Variants in BICD2 observed in about 807,000 individuals in gnomAD.
BICD2 encodes protein bicaudal D homolog 2.
A neutral mutation model predicts 72.9 loss-of-function variants in BICD2; 25 were observed. The observed-to-expected ratio is 0.34, with a 90% CI of 0.25 to 0.48. The LOEUF is 0.48. BICD2 is among the 20% of genes least tolerant of loss of function. The pLI is 0.99. For synonymous variants in BICD2, 501 were observed against 516.1 expected, an observed-to-expected ratio of 0.97 and a Z score of 0.40; for missense variants, 894 against 1,175.2, an observed-to-expected ratio of 0.76 and a Z score of 3.50.
rs1853401223 is a variant in BICD2 at position 92,719,195 on chromosome 9, T to C, written c.1450A>G (p.Lys484Glu). 1 of 1,610,618 alleles carries C rather than the reference T, an allele frequency of 6.2e-7. No individual in the cohort carries two copies. Among genetic ancestry groups the C allele is most frequent in the African/African-American group, 1.3e-5 (1 of 74,904 alleles). ...CTGGCCTTCTCTAGCAGGGAGACCT[T>C]CTCCGTGAGTGCCTGGCCCTCAGCC... ...YEAEGQALTE[K>E]VSLLEKASRQ... The change falls in exon 5 of 7, where the codon AAG (lysine) becomes GAG (glutamate). Residue 484 changes from lysine to glutamate, a missense_variant. By Grantham distance (56) the Lys-to-Glu change is moderately conservative (BLOSUM62 1). Around this residue, in one of 5 missense-constraint regions of BICD2, gnomAD observed 371 missense variants for 439.1 expected, o/e 0.84. Coordinates refer to ENST00000356884, the MANE Select transcript of BICD2 (RefSeq NM_001003800.2).
intron 1 of BICD2, among the ~76,000 whole-genome samples, chr9:92,752,110 C>CA (rs1854162952): frequency 6.6e-6 from 1 of 152,126 alleles, no homozygotes; most frequent in Non-Finnish European, 1.5e-5. Context: ...CAGCCACTAA[C>CA]TAACTGCATG....
intron 1 of BICD2, among the ~76,000 whole-genome samples, chr9:92,761,652 G>C (rs530314311): frequency 1.3e-5 from 2 of 152,204 alleles, no homozygotes; most frequent in African/African-American, 4.8e-5. Flanking sequence ...CAGCACACCT[G>C]TCCTCTTAAA....
intron 1 of BICD2, among the ~76,000 whole-genome samples, chr9:92,746,216 G>C (rs1429265293): frequency 6.6e-6 from 1 of 152,196 alleles, no homozygotes; most frequent in Admixed American, 6.5e-5. Flanking sequence ...AGAGGGGCTT[G>C]CTGCAGGCAC....
At chr9:92,754,234 C>T (rs985416591) in intron 1 of BICD2, among the ~76,000 whole-genome samples, 21 of 151,708 alleles carry the variant, frequency 1.4e-4, no homozygotes, top group South Asian at 4.2e-4. Flanking sequence ...TGTGATGTCA[C>T]GGCTGGCAAC....
At chr9:92,735,587 T>C (rs1306454567) in intron 1 of BICD2, among the ~76,000 whole-genome samples, 3 of 151,404 alleles carry the variant, frequency 2.0e-5, no homozygotes, top group Non-Finnish European at 4.4e-5. Flanking sequence ...GAAGGGCAGC[T>C]GCAACCAGAC....
chr9:92,735,056 C>A (rs973608950), intron 1 of BICD2, among the ~76,000 whole-genome samples: 1 of 152,238 alleles, frequency 6.6e-6, no homozygotes, highest in Non-Finnish European at 1.5e-5. Flanking sequence ...GTGCTTGACA[C>A]AAGCTCCCGG....
rs1240899133 is a variant in BICD2 at position 92,715,474 on chromosome 9, C to T, written c.2259-11G>A. ...ATGTACTCGTCACACCTGTGGGTAC[C>T]AAAAACATGACTGAGGGGCGGGCAG... On this transcript the variant is annotated splice_polypyrimidine_tract_variant and intron_variant, in intron 6 of 6. Transcript: ENST00000356884. 1 of 1,567,188 alleles carries T rather than the reference C, an allele frequency of 6.4e-7. No homozygotes were observed. Among genetic ancestry groups the T allele is most frequent in the East Asian group, 2.3e-5 (1 of 44,076 alleles).
rs751158467 is a variant in BICD2 at position 92,715,282 on chromosome 9, C to T, written c.2440G>A (p.Ala814Thr). The T allele has an allele frequency of 4.3e-6, 7 of 1,612,576 alleles. No individual in the cohort carries two copies. Among genetic ancestry groups the T allele is most frequent in the Admixed American group, 3.3e-5 (2 of 59,978 alleles). Residue 814 changes from alanine (A) to threonine (T), a missense_variant, in exon 7 of 7, where the codon GCC becomes ACC. Around this residue, in one of 5 missense-constraint regions of BICD2, gnomAD observed 321 missense variants for 443.9 expected, o/e 0.72. Transcript: ENST00000356884. ...GGTGTGGCTGGCTTGGTCTTCGGGG[C>T]GGCTTTGGCACGGCCACGCCGGGTC... The part of the protein sequence containing the change: ...EQTRRGRAKA[A>T]PKTKPATPSV...
intron 3 of BICD2, 108 bp downstream of exon 3, chr9:92,722,548 G>A (rs1318298229): frequency 6.8e-7 from 1 of 1,466,620 alleles, no homozygotes; most frequent in African/African-American, 1.4e-5. Context: ...CCTCGGGTGT[G>A]TGGAATAAGA....
Position 92,714,794 on chromosome 9 carries a change from T to C in BICD2, c.*360A>G. ...AGTCTCAACTCAGGTTCTGCCCCTT[T>C]TGGGTGCTGAGGGAGCAGGACCAGG... On this transcript the variant is annotated 3_prime_UTR_variant, in exon 7 of 7. Coordinates refer to ENST00000356884, the MANE Select transcript of BICD2 (RefSeq NM_001003800.2). 1 of 1,041,154 alleles carries C rather than the reference T, an allele frequency of 9.6e-7. No homozygotes were observed. Among genetic ancestry groups the C allele is most frequent in the Non-Finnish European group, 1.2e-6 (1 of 866,616 alleles). The allele number at this position is 1,041,154 out of a possible 1,614,324, so 64.5% of individuals were successfully genotyped here. A position where few individuals can be genotyped will look rare whatever the true frequency, so the allele number is the denominator to read the frequency against.
intron 2 of BICD2, among the ~76,000 whole-genome samples, chr9:92,724,857 T>A (rs1371630388): frequency 1.3e-5 from 2 of 152,164 alleles, no homozygotes; most frequent in East Asian, 3.9e-4. Context: ...GTTTGCCCAG[T>A]TCCTGCTTTT....
At chr9:92,727,912 T>C (rs182801309) in intron 2 of BICD2, among the ~76,000 whole-genome samples, 1 of 152,322 alleles carries the variant, frequency 6.6e-6, no homozygotes, top group East Asian at 1.9e-4. Context: ...TCCCCTGATA[T>C]CTGCCACATG....
In BICD2 at chr9:92,713,616, G is replaced by T; in HGVS notation, c.*1538C>A. Reference sequence around the variant, plus strand: ...GTTAGCAGGGGTCCCAGTGGCTTGGGTGTCTGCAAAGTCCCTTAGGAGTAT... The same window carrying T: ...GTTAGCAGGGGTCCCAGTGGCTTGGTTGTCTGCAAAGTCCCTTAGGAGTAT... On this transcript the variant is annotated 3_prime_UTR_variant, in exon 7 of 7. Transcript: ENST00000356884. 1 of 1,516,634 alleles carries T rather than the reference G, an allele frequency of 6.6e-7. No homozygotes were observed. 93.9% of individuals were successfully genotyped at this position (1,516,634 alleles called of 1,614,324 possible).
chr9:92,720,190 G>A lies in BICD2; in HGVS notation c.1062+110C>T, dbSNP rs899935653. On this transcript the variant is annotated intron_variant, in intron 4 of 6. Coordinates refer to ENST00000356884, the MANE Select transcript of BICD2 (RefSeq NM_001003800.2). This position sits in a 1 kb window ranked among gnomAD's most constrained non-coding sequence, Gnocchi z 5.4. ...TAATGATGCAGGAGATAAAATCAACGTAAGGAAAAGGGAAAGTTAACATCA... is the reference window on the plus strand; with the variant it reads ...TAATGATGCAGGAGATAAAATCAACATAAGGAAAAGGGAAAGTTAACATCA... The A allele has an allele frequency of 1.4e-5, 16 of 1,111,152 alleles. No individual in the cohort carries two copies. The highest frequency in any genetic ancestry group is 5.1e-5 in the East Asian group (2 of 39,200). The allele number at this position is 1,111,152 out of a possible 1,614,324, so 68.8% of individuals were successfully genotyped here. A position where few individuals can be genotyped will look rare whatever the true frequency, so the allele number is the denominator to read the frequency against.
In BICD2 at chr9:92,764,050, G is replaced by A. The variant is rs1176945438; in HGVS notation, c.240+455C>T. 2.0e-5 allele frequency among the ~76,000 whole-genome samples: 3 copies of A among 152,200 alleles called. No individual in the cohort carries two copies. Among genetic ancestry groups the A allele is most frequent in the African/African-American group, 7.2e-5 (3 of 41,460 alleles). On this transcript the variant is annotated intron_variant, in intron 1 of 6. Transcript: ENST00000356884. This position sits in a 1 kb window ranked among gnomAD's most constrained non-coding sequence, Gnocchi z 5.5. ...GAGAGGGGAAGTGCTTTCTCTGAAG[G>A]TGACAGAGCCGCAGCCACCCAGACC... is the stretch of plus-strand genomic sequence containing the variant.
chr9:92,741,444 G>A (rs975469067), intron 1 of BICD2, among the ~76,000 whole-genome samples: 6 of 152,202 alleles, frequency 3.9e-5, no homozygotes, highest in African/African-American at 1.4e-4. Flanking sequence ...GATTGCCTGA[G>A]GCAAACTACC....
intron 6 of BICD2, among the ~76,000 whole-genome samples, chr9:92,716,025 G>A (rs532384364): frequency 9.2e-5 from 14 of 152,264 alleles, no homozygotes; most frequent in Non-Finnish European, 1.2e-4. Flanking sequence ...ACCCGGGTGC[G>A]GAGCTGTGGG....
intron 3 of BICD2, among the ~76,000 whole-genome samples, chr9:92,721,464 G>A (rs1853463419): frequency 6.6e-6 from 1 of 152,222 alleles, no homozygotes; most frequent in African/African-American, 2.4e-5. Flanking sequence ...AGAAACTGAT[G>A]CCTGATGTGG....
At chr9:92,743,185 T>C (rs1227917334) in intron 1 of BICD2, among the ~76,000 whole-genome samples, 1 of 152,106 alleles carries the variant, frequency 6.6e-6, no homozygotes, top group Non-Finnish European at 1.5e-5. Context: ...ATATGAGATC[T>C]CTTCCCATTT....
Sources: allele counts gnomAD v4.1 joint callset (sites outside exome capture counted in the v4.1 genomes callset), GRCh38; gene constraint gnomAD v4.1.1; regional missense constraint gnomAD v4.1.1; non-coding constraint Gnocchi (gnomAD v3.1); transcripts MANE v1.5; gene names NCBI Gene and HGNC (gene_info 2026-07-23, HGNC 2026-07-21).